Variants in CHCHD3 observed in about 807,000 individuals in gnomAD.
CHCHD3 encodes the protein coiled-coil-helix-coiled-coil-helix domain containing 3, also known as MICOS complex subunit MIC19.
In CHCHD3, 20 loss-of-function variants were observed where a neutral mutation model predicts 38.2. The ratio of observed to expected loss-of-function variants is 0.52; its 90% CI spans 0.37 to 0.76. The LOEUF is 0.76. Among genes scored for constraint, CHCHD3 ranks in the 30% least tolerant of loss-of-function variants. The probability of loss-of-function intolerance (pLI) is 0.00; values close to 1 mark genes in which losing one functional copy is unlikely to be tolerated. For missense variants in CHCHD3, 245 were observed against 279.2 expected, an observed-to-expected ratio of 0.88 and a Z score of 0.87; for synonymous variants, 82 against 100.0, an observed-to-expected ratio of 0.82 and a Z score of 1.07.
intron 4 of CHCHD3, among the ~76,000 whole-genome samples, chr7:132,950,780 AT>A (rs1811019445): frequency 6.6e-6 from 1 of 152,162 alleles, no homozygotes; most frequent in African/African-American, 2.4e-5. Flanking sequence ...TGGTTTCTTG[AT>A]TTTATCAAAA....
At chr7:132,812,773 A>G (rs1460940291) in intron 6 of CHCHD3, among the ~76,000 whole-genome samples, 1 of 152,164 alleles carries the variant, frequency 6.6e-6, no homozygotes, top group Non-Finnish European at 1.5e-5. Context: ...CAAAATAGTG[A>G]TTATGACCTA....
intron 4 of CHCHD3, among the ~76,000 whole-genome samples, chr7:132,896,413 G>C (rs1235425344): frequency 6.6e-6 from 1 of 152,034 alleles, no homozygotes; most frequent in Non-Finnish European, 1.5e-5. Context: ...TGAGAACAAG[G>C]CATATTGTGA....
intron 3 of CHCHD3, among the ~76,000 whole-genome samples, chr7:132,979,918 A>G (rs1163024279): frequency 2.0e-5 from 3 of 152,228 alleles, no homozygotes; most frequent in East Asian, 1.9e-4. Flanking sequence ...TCCTCTTTCA[A>G]TGGTTCCTGT....
intron 4 of CHCHD3, among the ~76,000 whole-genome samples, chr7:132,888,373 G>C (rs952535606): frequency 2.6e-5 from 4 of 151,546 alleles, no homozygotes; most frequent in African/African-American, 9.7e-5. Context: ...TTGTGGTGGC[G>C]GTTATATAAT....
intron 2 of CHCHD3, among the ~76,000 whole-genome samples, chr7:133,068,117 A>C (rs2117534554): frequency 6.6e-6 from 1 of 152,212 alleles, no homozygotes; most frequent in African/African-American, 2.4e-5. Flanking sequence ...CCATCTCAAA[A>C]GAAAAAAAAA....
chr7:132,965,766 G>A (rs1811450300), intron 4 of CHCHD3, among the ~76,000 whole-genome samples: 1 of 152,214 alleles, frequency 6.6e-6, no homozygotes. Context: ...GCCCATGACA[G>A]TGACTAGTGT....
chr7:132,958,602 C>A (rs879751024), intron 4 of CHCHD3, among the ~76,000 whole-genome samples: 2 of 152,086 alleles, frequency 1.3e-5, no homozygotes, highest in African/African-American at 4.8e-5. Flanking sequence ...TTATTTAAAA[C>A]CATGTTTTAA....
intron 4 of CHCHD3, among the ~76,000 whole-genome samples, chr7:132,912,103 A>C (rs1809966962): frequency 6.6e-6 from 1 of 152,192 alleles, no homozygotes; most frequent in African/African-American, 2.4e-5. Context: ...ATTAATATGT[A>C]ATGTATCACC....
At chr7:132,797,302 C>T (rs953586205) in intron 6 of CHCHD3, among the ~76,000 whole-genome samples, 1 of 152,116 alleles carries the variant, frequency 6.6e-6, no homozygotes, top group East Asian at 1.9e-4. Context: ...TGCTCTACGC[C>T]CAAACTCCCA....
At chr7:133,001,279 A>C (rs1812566056) in intron 3 of CHCHD3, among the ~76,000 whole-genome samples, 1 of 152,158 alleles carries the variant, frequency 6.6e-6, no homozygotes, top group South Asian at 2.1e-4. Flanking sequence ...AACCCTCCGG[A>C]TCTCCTTTCA....
chr7:132,955,283 A>G (rs981606115), intron 4 of CHCHD3, among the ~76,000 whole-genome samples: 1 of 151,422 alleles, frequency 6.6e-6, no homozygotes, highest in African/African-American at 2.4e-5. Context: ...GAAAAGACCC[A>G]CAACCATGGT....
rs199845935 is a variant in CHCHD3, at chr7:132,886,632, G to GTA, written c.370-889_370-888dup. 3.0e-3 allele frequency among the ~76,000 whole-genome samples: 447 copies of GTA among 150,856 alleles called. 2 individuals are homozygous for GTA. The highest frequency in any genetic ancestry group is 0.01 in the African/African-American group (430 of 41,198). On this transcript the variant is annotated intron_variant, in intron 4 of 7. Transcript: ENST00000262570. ...ACAACTTATAAGAAAGTGTGTGTGT[G>GTA]TATATATATGTGTATATATGTATAT... is the stretch of plus-strand genomic sequence containing the variant.
chr7:133,028,488 A>G (rs949474173), intron 2 of CHCHD3, among the ~76,000 whole-genome samples: 35 of 152,046 alleles, frequency 2.3e-4, no homozygotes, highest in Non-Finnish European at 2.4e-4. Context: ...GGCAGTATTG[A>G]GAGGTGGGGC....
intron 5 of CHCHD3, among the ~76,000 whole-genome samples, chr7:132,862,068 G>GGATA (rs1808506691): frequency 7.2e-6 from 1 of 139,568 alleles, no homozygotes; most frequent in African/African-American, 2.9e-5. Flanking sequence ...GTTTGCTGAT[G>GGATA]GATGGATGGA....
intron 1 of CHCHD3, among the ~76,000 whole-genome samples, chr7:133,075,960 G>A (rs1478281037): frequency 2.0e-5 from 3 of 147,324 alleles, no homozygotes; most frequent in Non-Finnish European, 4.5e-5. Context: ...TTGGGAAGCT[G>A]AAGTAGGAAA....
intron 4 of CHCHD3, among the ~76,000 whole-genome samples, chr7:132,947,008 C>G (rs1810918585): frequency 6.6e-6 from 1 of 151,876 alleles, no homozygotes; most frequent in Non-Finnish European, 1.5e-5. Context: ...AGTTATAAAC[C>G]TTTCCTCTTT....
intron 1 of CHCHD3, among the ~76,000 whole-genome samples, chr7:133,073,426 G>A (rs955062218): frequency 3.3e-5 from 5 of 152,046 alleles, no homozygotes; most frequent in East Asian, 1.9e-4. Flanking sequence ...TCAGAAGCCC[G>A]GTCTCCACAC....
chr7:133,081,358 G>A lies in CHCHD3; in HGVS notation c.81+499C>T, dbSNP rs565222722. Among the ~76,000 whole-genome samples, 63 of 148,982 alleles carry A rather than the reference G, an allele frequency of 4.2e-4. 1 individual carries two copies. Among genetic ancestry groups the A allele is most frequent in the African/African-American group, 1.5e-3 (60 of 40,922 alleles). The stretch of plus-strand genomic sequence containing the variant: ...AAAAGACTGTGGGGCTGGGAGGGAG[G>A]ATGACAGGGTGTGGGGAGTGGGTGG... On this transcript the variant is annotated intron_variant, in intron 1 of 7. Transcript: ENST00000262570.
intron 4 of CHCHD3, among the ~76,000 whole-genome samples, chr7:132,970,695 A>C (rs989386530): frequency 2.6e-5 from 4 of 152,328 alleles, no homozygotes; most frequent in Middle Eastern, 3.4e-3. Flanking sequence ...CTGTCCAAAG[A>C]GTAATGGAAG....
Sources: allele counts gnomAD v4.1 joint callset (sites outside exome capture counted in the v4.1 genomes callset), GRCh38; gene constraint gnomAD v4.1.1; transcripts MANE v1.5; gene names NCBI Gene and HGNC (gene_info 2026-07-23, HGNC 2026-07-21).